CAMTA1: variants seen among roughly 807,000 people sequenced by gnomAD.
The protein encoded by CAMTA1 is calmodulin binding transcription activator 1.
Under a neutral mutation model 170.9 loss-of-function variants are expected in CAMTA1, and 27 were observed. The observed-to-expected ratio is 0.16, with a 90% CI of 0.12 to 0.22. The LOEUF (loss-of-function observed/expected upper bound fraction) is 0.22, where lower values mean the gene tolerates loss of function less well. Ranked by LOEUF, CAMTA1 falls within the 10% of genes least tolerant of loss-of-function variation. The pLI is 1.00. For missense variants in CAMTA1, 1,619 were observed against 2,217.2 expected, an observed-to-expected ratio of 0.73 and a Z score of 5.42; for synonymous variants, 833 against 891.5, an observed-to-expected ratio of 0.93 and a Z score of 1.17.
At chr1:7,354,548 G>A (rs1246519275) in intron 5 of CAMTA1, among the ~76,000 whole-genome samples, 1 of 152,150 alleles carries the variant, frequency 6.6e-6, no homozygotes, top group African/African-American at 2.4e-5. Flanking sequence ...GTGTCTTTGC[G>A]GTAGAATAAT....
intron 3 of CAMTA1, among the ~76,000 whole-genome samples, chr1:6,989,463 C>A (rs1042221771): frequency 3.3e-5 from 5 of 152,192 alleles, no homozygotes; most frequent in Admixed American, 3.3e-4. Context: ...TCCAACTTAT[C>A]TCTTTAGAAC....
chr1:7,704,508 C>T (rs1188280483), intron 11 of CAMTA1, among the ~76,000 whole-genome samples: 1 of 147,276 alleles, frequency 6.8e-6, no homozygotes, highest in Non-Finnish European at 1.5e-5. Context: ...CCGCCCGCAA[C>T]CTCCGGCCGG....
At position 7,635,141 on chromosome 1, in the gene CAMTA1, T is replaced by TG. The variant is rs748298718; in HGVS notation, c.511-5253dup. 1.3e-5 allele frequency among the ~76,000 whole-genome samples: 2 copies of TG among 152,180 alleles called. No homozygotes were observed. The highest frequency in any genetic ancestry group is 2.9e-5 in the Non-Finnish European group (2 of 68,036). ...TCATCTCCAAAGGTCACGATCACTT[T>TG]GGGGGGTGACCCCTAGCATCTCTCA... On this transcript the variant is annotated intron_variant, in intron 6 of 22. Coordinates refer to ENST00000303635, the MANE Select transcript of CAMTA1 (RefSeq NM_015215.4). The surrounding 1 kb of genome is among the most constrained non-coding windows in gnomAD (Gnocchi z 4.4).
chr1:7,504,391 G>A (rs1331986279), intron 6 of CAMTA1, among the ~76,000 whole-genome samples: 1 of 152,202 alleles, frequency 6.6e-6, no homozygotes, highest in Non-Finnish European at 1.5e-5. Context: ...GCTTGGCCTG[G>A]GCACAGGGCT....
intron 3 of CAMTA1, among the ~76,000 whole-genome samples, chr1:6,833,160 G>A (rs1394096698): frequency 6.6e-6 from 1 of 152,188 alleles, no homozygotes; most frequent in Non-Finnish European, 1.5e-5. Context: ...CACCCTCAGA[G>A]TACAGCAATA....
At chr1:7,545,477 A>C (rs2094679802) in intron 6 of CAMTA1, among the ~76,000 whole-genome samples, 1 of 152,204 alleles carries the variant, frequency 6.6e-6, no homozygotes, top group South Asian at 2.1e-4. Flanking sequence ...AGTCTCGAGC[A>C]GTTCTTCATT....
At chr1:7,657,959 T>C (rs1218340058) in intron 7 of CAMTA1, among the ~76,000 whole-genome samples, 1 of 152,132 alleles carries the variant, frequency 6.6e-6, no homozygotes, top group East Asian at 1.9e-4. Context: ...CGCACCCCCA[T>C]CAGGACTGGA....
intron 3 of CAMTA1, among the ~76,000 whole-genome samples, chr1:6,876,530 T>G (rs1669944520): frequency 6.6e-6 from 1 of 151,996 alleles, no homozygotes; most frequent in Non-Finnish European, 1.5e-5. Flanking sequence ...GCCCAACTAA[T>G]TTTTGTATTT....
intron 5 of CAMTA1, among the ~76,000 whole-genome samples, chr1:7,437,133 C>T (rs934593672): frequency 6.6e-6 from 1 of 152,106 alleles, no homozygotes; most frequent in Non-Finnish European, 1.5e-5. Flanking sequence ...CAGCAGAGGC[C>T]CTTCCCAGCC....
intron 5 of CAMTA1, among the ~76,000 whole-genome samples, chr1:7,451,971 T>C (rs560827932): frequency 6.6e-6 from 1 of 152,134 alleles, no homozygotes; most frequent in African/African-American, 2.4e-5. Flanking sequence ...GAAGCTAATA[T>C]GGAGGGGACA....
Position 7,562,845 on chromosome 1 carries a change from C to T in CAMTA1, c.511-77555C>T, listed in dbSNP as rs1213189656. On this transcript the variant is annotated intron_variant, in intron 6 of 22. Coordinates refer to ENST00000303635, the MANE Select transcript of CAMTA1 (RefSeq NM_015215.4). The surrounding 1 kb of genome is among the most constrained non-coding windows in gnomAD (Gnocchi z 4.8). ...GGGATGACAGGCCCTCTAACCCCACCGCCCACTCACCTGCAGCCTGTCAAC... is the reference window on the plus strand; with the variant it reads ...GGGATGACAGGCCCTCTAACCCCACTGCCCACTCACCTGCAGCCTGTCAAC... Among the ~76,000 whole-genome samples the T allele has an allele frequency of 1.3e-5, 2 of 152,198 alleles. No homozygotes were observed. Among genetic ancestry groups the T allele is most frequent in the East Asian group, 1.9e-4 (1 of 5,186 alleles).
chr1:7,624,568 G>C (rs2095620673), intron 6 of CAMTA1, among the ~76,000 whole-genome samples: 1 of 152,208 alleles, frequency 6.6e-6, no homozygotes, highest in Non-Finnish European at 1.5e-5. Context: ...GAGGGTGATG[G>C]GTGGGTGGTG....
At chr1:6,820,355 A>G in intron 2 of CAMTA1, 105 bp downstream of exon 2, 1 of 1,137,312 alleles carries the variant, frequency 8.8e-7, no homozygotes, top group Non-Finnish European at 1.3e-6. Flanking sequence ...GACTCAGAAG[A>G]CCTGGGTTCT....
chr1:6,827,806 G>A (rs1185785433), intron 3 of CAMTA1, among the ~76,000 whole-genome samples: 2 of 152,178 alleles, frequency 1.3e-5, no homozygotes, highest in African/African-American at 4.8e-5. Context: ...AGTTTAGTCA[G>A]ACTGCCCTTA....
intron 5 of CAMTA1, among the ~76,000 whole-genome samples, chr1:7,309,445 G>A (rs1041303597): frequency 1.7e-4 from 26 of 150,348 alleles, no homozygotes; most frequent in South Asian, 4.2e-4. Flanking sequence ...GACTACAGGC[G>A]CCCGCCACTA....
chr1:7,684,349 G>A (rs1246027775), intron 11 of CAMTA1, among the ~76,000 whole-genome samples: 1 of 152,210 alleles, frequency 6.6e-6, no homozygotes, highest in Non-Finnish European at 1.5e-5. Flanking sequence ...CCCTCCAGGG[G>A]TCAAGATCAG....
intron 5 of CAMTA1, among the ~76,000 whole-genome samples, chr1:7,301,532 T>C (rs550353619): frequency 9.9e-5 from 15 of 152,228 alleles, no homozygotes; most frequent in African/African-American, 3.6e-4. Context: ...TGCTGGTGCC[T>C]TGGGCTCAGC....
In CAMTA1 at chr1:7,681,926, C is replaced by A. The variant is rs2096209894; in HGVS notation, c.2914+4193C>A. ...GAGCGGAATTTTTGTGTGCCTCTTT[C>A]TTGTCTTACAGCATCTGATTCTCCC... On this transcript the variant is annotated intron_variant, in intron 11 of 22. Coordinates refer to ENST00000303635, the MANE Select transcript of CAMTA1 (RefSeq NM_015215.4). The surrounding 1 kb of genome is among the most constrained non-coding windows in gnomAD (Gnocchi z 4.6). Among the ~76,000 whole-genome samples the A allele has an allele frequency of 6.6e-6, 1 of 152,180 alleles. No homozygotes were observed. The highest frequency in any genetic ancestry group is 6.5e-5 in the Admixed American group (1 of 15,288).
chr1:7,631,938 C>G (rs2095672066), intron 6 of CAMTA1, among the ~76,000 whole-genome samples: 1 of 152,188 alleles, frequency 6.6e-6, no homozygotes, highest in Non-Finnish European at 1.5e-5. Flanking sequence ...CCTGGGGCAG[C>G]CAGAAGGTGG....
Sources: allele counts gnomAD v4.1 joint callset (sites outside exome capture counted in the v4.1 genomes callset), GRCh38; gene constraint gnomAD v4.1.1; non-coding constraint Gnocchi (gnomAD v3.1); transcripts MANE v1.5; gene names NCBI Gene and HGNC (gene_info 2026-07-23, HGNC 2026-07-21).